GFRA1: variants seen among roughly 807,000 people sequenced by gnomAD.
GFRA1 encodes GDNF family receptor alpha-1.
GFRA1 carries 16 observed loss-of-function variants against 51.6 expected under a neutral mutation model. The ratio of observed to expected loss-of-function variants is 0.31; its 90% CI spans 0.21 to 0.47. The LOEUF is 0.47. Ranked by LOEUF, GFRA1 falls within the 20% of genes least tolerant of loss-of-function variation. The probability of loss-of-function intolerance (pLI) is 1.00; values close to 1 mark genes in which losing one functional copy is unlikely to be tolerated. For missense variants in GFRA1, 530 were observed against 594.3 expected (o/e 0.89, Z 1.13); for synonymous variants, 270 against 241.3 (o/e 1.12, Z -1.10).
At chr10:116,144,448 T>C (rs1958707066) in intron 5 of GFRA1, among the ~76,000 whole-genome samples, 1 of 152,064 alleles carries the variant, frequency 6.6e-6, no homozygotes, top group African/African-American at 2.4e-5. Flanking sequence ...GCTAGTTACC[T>C]ATGAGGAATA....
intron 4 of GFRA1, among the ~76,000 whole-genome samples, chr10:116,224,338 C>G (rs1300196135): frequency 1.3e-5 from 2 of 152,204 alleles, no homozygotes; most frequent in Non-Finnish European, 2.9e-5. Context: ...AATTCCACTC[C>G]TGGGTATATA....
chr10:116,101,951 C>G (rs1054517825), intron 6 of GFRA1, among the ~76,000 whole-genome samples: 1 of 152,152 alleles, frequency 6.6e-6, no homozygotes, highest in Non-Finnish European at 1.5e-5. Flanking sequence ...GGTGGAAAAC[C>G]CACTTGTTTT....
intron 4 of GFRA1, among the ~76,000 whole-genome samples, chr10:116,217,784 C>T (rs1362521727): frequency 6.6e-6 from 1 of 152,032 alleles, no homozygotes; most frequent in Non-Finnish European, 1.5e-5. Flanking sequence ...GTAATTTTTG[C>T]GGAGACAAAA....
At chr10:116,152,239 G>A (rs980656034) in intron 5 of GFRA1, among the ~76,000 whole-genome samples, 49 of 152,224 alleles carry the variant, frequency 3.2e-4, no homozygotes, top group Non-Finnish European at 1.2e-4. Flanking sequence ...ATGGACCAGA[G>A]AGGAAGCAGG....
intron 4 of GFRA1, among the ~76,000 whole-genome samples, chr10:116,236,204 T>C (rs1966872321): frequency 1.3e-5 from 2 of 152,066 alleles, no homozygotes; most frequent in African/African-American, 4.8e-5. Flanking sequence ...CCCCAGCCCA[T>C]GGTGCCCAAG....
intron 5 of GFRA1, among the ~76,000 whole-genome samples, chr10:116,193,997 C>T (rs1963500667): frequency 6.7e-6 from 1 of 149,496 alleles, no homozygotes; most frequent in African/African-American, 2.5e-5. Flanking sequence ...CGAGATCGCA[C>T]CACTGTACTC....
At chr10:116,064,818 T>A (rs1307713620) in intron 10 of GFRA1, among the ~76,000 whole-genome samples, 1 of 152,198 alleles carries the variant, frequency 6.6e-6, no homozygotes, top group Non-Finnish European at 1.5e-5. Flanking sequence ...TGGGGGAAGA[T>A]ATCTGAGTTC....
chr10:116,060,296 A>G lies in GFRA1; in HGVS notation c.*4102T>C, dbSNP rs909422026. The G allele has an allele frequency of 6.6e-6, 1 of 152,198 alleles. No homozygotes were observed. Among genetic ancestry groups the G allele is most frequent in the African/African-American group, 2.4e-5 (1 of 41,452 alleles). 9.4% of individuals were successfully genotyped at this position (152,198 alleles called of 1,614,324 possible). ...AAAAATGTAGCTTCTAAGGGTATCC[A>G]ACCAAATCCCCACTTGTTTTATTTT... On this transcript the variant is annotated 3_prime_UTR_variant, in exon 11 of 11. Transcript: ENST00000355422.
At chr10:116,101,655 T>A (rs1161664546) in intron 6 of GFRA1, among the ~76,000 whole-genome samples, 1 of 152,146 alleles carries the variant, frequency 6.6e-6, no homozygotes, top group Non-Finnish European at 1.5e-5. Context: ...AGGAAAGTAG[T>A]GTGATGGAAA....
chr10:116,111,012 C>T (rs933392233), intron 6 of GFRA1, among the ~76,000 whole-genome samples: 1 of 152,132 alleles, frequency 6.6e-6, no homozygotes, highest in Non-Finnish European at 1.5e-5. Flanking sequence ...CTAGCTCCAC[C>T]GCAGGCACTG....
intron 5 of GFRA1, among the ~76,000 whole-genome samples, chr10:116,188,898 T>TA (rs779339657): frequency 0.046 from 5,965 of 130,428 alleles, 424 homozygotes; most frequent in African/African-American, 0.15. Flanking sequence ...AGACTCTGTT[T>TA]AAAAAAAAAA....
intron 6 of GFRA1, among the ~76,000 whole-genome samples, chr10:116,106,777 T>A (rs929187257): frequency 2.1e-5 from 3 of 146,270 alleles, no homozygotes; most frequent in East Asian, 4.1e-4. Flanking sequence ...CATGTTGAGA[T>A]GGAACTCCCA....
chr10:116,234,023 T>A (rs979319624), intron 4 of GFRA1, among the ~76,000 whole-genome samples: 1 of 152,240 alleles, frequency 6.6e-6, no homozygotes, highest in African/African-American at 2.4e-5. Flanking sequence ...CTGGGTTGAA[T>A]GAGCATTTCA....
intron 5 of GFRA1, among the ~76,000 whole-genome samples, chr10:116,141,895 A>C (rs1463027161): frequency 6.6e-6 from 1 of 151,912 alleles, no homozygotes; most frequent in African/African-American, 2.4e-5. Flanking sequence ...CTTTTTTTTT[A>C]AGCTCTAAGA....
intron 5 of GFRA1, among the ~76,000 whole-genome samples, chr10:116,147,712 A>C (rs2134121214): frequency 6.6e-6 from 1 of 152,252 alleles, no homozygotes; most frequent in South Asian, 2.1e-4. Context: ...CCACAGAGCC[A>C]TCTCTGAATG....
At chr10:116,254,517 A>G (rs991036928) in intron 4 of GFRA1, among the ~76,000 whole-genome samples, 16 of 151,364 alleles carry the variant, frequency 1.1e-4, no homozygotes, top group Non-Finnish European at 2.1e-4. Context: ...TTAAAAAAAA[A>G]AAGAAGAAGA....
chr10:116,081,394 T>C (rs1251034014), intron 9 of GFRA1, among the ~76,000 whole-genome samples: 1 of 152,236 alleles, frequency 6.6e-6, no homozygotes, highest in Non-Finnish European at 1.5e-5. Context: ...GTCTGCCAGA[T>C]GTTCAACAAG....
intron 6 of GFRA1, among the ~76,000 whole-genome samples, chr10:116,124,705 C>T (rs534356112): frequency 4.5e-4 from 68 of 152,262 alleles, no homozygotes; most frequent in Non-Finnish European, 6.6e-4. Context: ...GGGAAGGTGA[C>T]CTCTTCACAG....
At chr10:116,138,289 A>C (rs556139337) in intron 5 of GFRA1, among the ~76,000 whole-genome samples, 3 of 152,314 alleles carry the variant, frequency 2.0e-5, no homozygotes, top group African/African-American at 7.2e-5. Context: ...CCTGGCCACC[A>C]TCTGAAAATG....
Sources: gnomAD v4.1 joint callset for allele counts (sites outside exome capture counted in the v4.1 genomes callset) on GRCh38, gnomAD v4.1.1 for gene constraint, MANE v1.5 for transcripts, NCBI Gene and HGNC (gene_info 2026-07-23, HGNC 2026-07-21) for gene names.